DLG2: variants seen among roughly 807,000 people sequenced by gnomAD.
The protein encoded by DLG2 is discs large MAGUK scaffold protein 2.
Under a neutral mutation model 132.5 loss-of-function variants are expected in DLG2, and 45 were observed. The observed-to-expected ratio is 0.34, with a 90% CI of 0.27 to 0.44. The LOEUF is 0.44. Among genes scored for constraint, DLG2 ranks in the 20% least tolerant of loss-of-function variants. The pLI, the probability that DLG2 is intolerant of heterozygous loss-of-function variation, is 1.00. For synonymous variants in DLG2, 424 were observed against 419.6 expected, an observed-to-expected ratio of 1.01 and a Z score of -0.13; for missense variants, 1,045 against 1,196.9, an observed-to-expected ratio of 0.87 and a Z score of 1.87.
chr11:84,515,045 T>C (rs1311657143), intron 7 of DLG2, among the ~76,000 whole-genome samples: 4 of 151,462 alleles, frequency 2.6e-5, no homozygotes, highest in African/African-American at 4.8e-5. Flanking sequence ...AAAAACATGA[T>C]AGACACACAA....
At chr11:84,292,155 A>G (rs1469184679) in intron 7 of DLG2, among the ~76,000 whole-genome samples, 1 of 152,190 alleles carries the variant, frequency 6.6e-6, no homozygotes. Context: ...GACAAAAAGA[A>G]ATGTCACTGA....
intron 3 of DLG2, among the ~76,000 whole-genome samples, chr11:85,407,455 T>A (rs1472446124): frequency 6.6e-6 from 1 of 151,744 alleles, no homozygotes; most frequent in African/African-American, 2.4e-5. Flanking sequence ...CTACATGAAA[T>A]AAGAATCCAA....
intron 7 of DLG2, among the ~76,000 whole-genome samples, chr11:84,318,673 C>T (rs575112141): frequency 4.4e-4 from 67 of 152,170 alleles, no homozygotes; most frequent in Non-Finnish European, 8.5e-4. Flanking sequence ...GTCCATGTAT[C>T]TCCATATAAG....
intron 19 of DLG2, among the ~76,000 whole-genome samples, chr11:83,567,045 C>T (rs762709718): frequency 6.6e-6 from 1 of 152,100 alleles, no homozygotes; most frequent in Non-Finnish European, 1.5e-5. Flanking sequence ...TGCACAGGAA[C>T]GGTTAATCCA....
chr11:85,573,105 C>G (rs2077943591), intron 3 of DLG2, among the ~76,000 whole-genome samples: 2 of 152,194 alleles, frequency 1.3e-5, no homozygotes, highest in South Asian at 4.1e-4. Flanking sequence ...ATTTCACCTT[C>G]AGCCATGAGT....
At chr11:84,588,361 A>T (rs1427791941) in intron 6 of DLG2, among the ~76,000 whole-genome samples, 1 of 152,176 alleles carries the variant, frequency 6.6e-6, no homozygotes, top group Non-Finnish European at 1.5e-5. Context: ...TTGCACAATG[A>T]ATCATCATTC....
chr11:84,376,966 G>T (rs1314696015), intron 7 of DLG2, among the ~76,000 whole-genome samples: 1 of 151,946 alleles, frequency 6.6e-6, no homozygotes, highest in Non-Finnish European at 1.5e-5. Context: ...ATCATCAATA[G>T]ATTGTAAAAG....
intron 6 of DLG2, among the ~76,000 whole-genome samples, chr11:84,912,219 G>A (rs545854574): frequency 7.1e-4 from 108 of 152,250 alleles, no homozygotes; most frequent in African/African-American, 2.5e-3. Flanking sequence ...GCGCGATCTC[G>A]ATCTCGGCTC....
At chr11:85,411,407 G>A (rs181249382) in intron 3 of DLG2, among the ~76,000 whole-genome samples, 1 of 151,832 alleles carries the variant, frequency 6.6e-6, no homozygotes, top group Non-Finnish European at 1.5e-5. Context: ...CATTATAAGA[G>A]AGGGTACTAG....
chr11:84,916,577 T>C (rs2092484119), intron 6 of DLG2, among the ~76,000 whole-genome samples: 1 of 152,124 alleles, frequency 6.6e-6, no homozygotes, highest in South Asian at 2.1e-4. Flanking sequence ...CCATCTGATC[T>C]AAGTTTTCAA....
At chr11:84,963,178 T>A (rs1188110806) in intron 6 of DLG2, among the ~76,000 whole-genome samples, 6 of 152,190 alleles carry the variant, frequency 3.9e-5, no homozygotes. Context: ...AGCCTTTAGG[T>A]AAAGTGCTGC....
intron 3 of DLG2, among the ~76,000 whole-genome samples, chr11:85,533,233 AG>A (rs1378753836): frequency 6.6e-6 from 1 of 152,076 alleles, no homozygotes; most frequent in African/African-American, 2.4e-5. Context: ...CATGTTGGCC[AG>A]GCTAGTCTCG....
At chr11:84,832,846 G>A (rs967181860) in intron 6 of DLG2, among the ~76,000 whole-genome samples, 2 of 151,420 alleles carry the variant, frequency 1.3e-5, no homozygotes, top group African/African-American at 2.4e-5. Flanking sequence ...TATATCCGTG[G>A]CATTTAACAC....
intron 7 of DLG2, among the ~76,000 whole-genome samples, chr11:84,381,001 A>G (rs2098747356): frequency 6.6e-6 from 1 of 151,956 alleles, no homozygotes; most frequent in South Asian, 2.1e-4. Context: ...TGCGAAAGGA[A>G]GGAATTGGGG....
At chr11:85,174,327 C>T (rs1443683663) in intron 4 of DLG2, among the ~76,000 whole-genome samples, 1 of 152,146 alleles carries the variant, frequency 6.6e-6, no homozygotes, top group Non-Finnish European at 1.5e-5. Context: ...TTATTTAAAA[C>T]CACACGACTA....
At chr11:83,541,923 G>A (rs929952907) in intron 19 of DLG2, 65 bp from the exon 20 acceptor site, 2 of 1,458,532 alleles carry the variant, frequency 1.4e-6, no homozygotes, top group African/African-American at 2.9e-5. Flanking sequence ...AGGATTTATG[G>A]TTTCAAATGT....
At chr11:83,870,441 T>C (rs1475868995) in intron 16 of DLG2, among the ~76,000 whole-genome samples, 1 of 152,226 alleles carries the variant, frequency 6.6e-6, no homozygotes, top group Non-Finnish European at 1.5e-5. Flanking sequence ...ATGACATGAT[T>C]TCATTCTTTT....
chr11:84,441,932 G>A (rs2099018388), intron 7 of DLG2, among the ~76,000 whole-genome samples: 1 of 152,118 alleles, frequency 6.6e-6, no homozygotes, highest in Non-Finnish European at 1.5e-5. Context: ...GGTTGTAGAT[G>A]TGTGGTGTTA....
chr11:83,487,657 C>T (rs1333254881), intron 21 of DLG2, among the ~76,000 whole-genome samples: 1 of 151,916 alleles, frequency 6.6e-6, no homozygotes, highest in Non-Finnish European at 1.5e-5. Context: ...TGTGTTCTTC[C>T]CACAGCTTGA....
Sources: allele counts gnomAD v4.1 joint callset (sites outside exome capture counted in the v4.1 genomes callset), GRCh38; gene constraint gnomAD v4.1.1; transcripts MANE v1.5; gene names NCBI Gene and HGNC (gene_info 2026-07-23, HGNC 2026-07-21).